The following SPAG16 variants were observed in gnomAD, a reference collection of about 807,000 sequenced individuals.
SPAG16 encodes the protein sperm associated antigen 16, also known as sperm-associated antigen 16 protein.
SPAG16 carries 86 observed loss-of-function variants against 80.4 expected under a neutral mutation model. The ratio of observed to expected loss-of-function variants is 1.07; its 90% CI spans 0.90 to 1.28. The LOEUF (loss-of-function observed/expected upper bound fraction) is 1.28. Among genes scored for constraint, SPAG16 ranks in the 50% most tolerant of loss-of-function variants. The pLI is 0.00. For synonymous variants in SPAG16, 294 were observed against 265.9 expected, an observed-to-expected ratio of 1.11 and a Z score of -1.03; for missense variants, 870 against 765.3, an observed-to-expected ratio of 1.14 and a Z score of -1.61.
intron 13 of SPAG16, among the ~76,000 whole-genome samples, chr2:214,078,040 G>A (rs1436716541): frequency 2.6e-5 from 4 of 152,138 alleles, no homozygotes; most frequent in Admixed American, 1.3e-4. Context: ...GGGGAACTCA[G>A]GTGATGAGAG....
chr2:213,410,570 C>T (rs1031426787), intron 9 of SPAG16, among the ~76,000 whole-genome samples: 3 of 152,216 alleles, frequency 2.0e-5, no homozygotes, highest in Non-Finnish European at 2.9e-5. Context: ...CAAAAACCAA[C>T]TGGTTTTTGT....
At chr2:213,402,944 G>A (rs956024105) in intron 9 of SPAG16, among the ~76,000 whole-genome samples, 4 of 152,140 alleles carry the variant, frequency 2.6e-5, no homozygotes, top group Non-Finnish European at 4.4e-5. Flanking sequence ...TATATACCCA[G>A]TAATGGGATG....
chr2:213,859,050 G>A (rs113607835), intron 10 of SPAG16, among the ~76,000 whole-genome samples: 51,863 of 150,086 alleles, frequency 0.35, 9,414 homozygotes, highest in South Asian at 0.47. Flanking sequence ...ATGGTGGCAC[G>A]CACCTGTAAT....
In SPAG16 at chr2:213,427,343, C is replaced by T. The variant is rs770266205; in HGVS notation, c.942+52224C>T. 1.1e-3 allele frequency among the ~76,000 whole-genome samples: 161 copies of T among 152,264 alleles called. 4 individuals carry two copies. Among genetic ancestry groups the T allele is most frequent in the African/African-American group, 2.2e-4 (9 of 41,558 alleles). On this transcript the variant is annotated intron_variant, in intron 9 of 15. Coordinates refer to ENST00000331683, the MANE Select transcript of SPAG16 (RefSeq NM_024532.5). ...TTTAGCATCTTTCTTACTGGACAGACGCACAGTGATATGAGTAAGCTGAAT... is the reference window on the plus strand; with the variant it reads ...TTTAGCATCTTTCTTACTGGACAGATGCACAGTGATATGAGTAAGCTGAAT...
intron 13 of SPAG16, among the ~76,000 whole-genome samples, chr2:214,087,328 A>G (rs1305722242): frequency 6.6e-6 from 1 of 152,176 alleles, no homozygotes; most frequent in Non-Finnish European, 1.5e-5. Context: ...AAAGTGATGG[A>G]TACCATTCAA....
intron 10 of SPAG16, among the ~76,000 whole-genome samples, chr2:213,652,057 A>G (rs918871491): frequency 1.3e-5 from 2 of 152,062 alleles, no homozygotes; most frequent in African/African-American, 4.8e-5. Flanking sequence ...TTTCATTAGT[A>G]CTCATATTTT....
At chr2:213,509,703 C>A (rs1214448950) in intron 10 of SPAG16, among the ~76,000 whole-genome samples, 2 of 151,902 alleles carry the variant, frequency 1.3e-5, no homozygotes, top group African/African-American at 4.8e-5. Flanking sequence ...TAAATGCCCA[C>A]AAGAGAAAGC....
At chr2:214,352,318 G>T (rs973350289) in intron 15 of SPAG16, among the ~76,000 whole-genome samples, 8 of 152,184 alleles carry the variant, frequency 5.3e-5, no homozygotes, top group African/African-American at 7.2e-5. Context: ...TCAAAGTTTT[G>T]ATTTTAATGG....
intron 13 of SPAG16, among the ~76,000 whole-genome samples, chr2:214,059,344 G>T (rs930332735): frequency 1.4e-5 from 2 of 147,996 alleles, no homozygotes; most frequent in Non-Finnish European, 3.0e-5. Flanking sequence ...TCAGTTAGTG[G>T]ATTATTATTT....
intron 15 of SPAG16, among the ~76,000 whole-genome samples, chr2:214,297,310 T>TTAAG (rs761557579): frequency 8.5e-5 from 13 of 152,290 alleles, no homozygotes; most frequent in Middle Eastern, 6.8e-3. Context: ...GCTTTTTGGT[T>TTAAG]TAAGTCTCAT....
chr2:214,139,375 C>A (rs1187430142), intron 14 of SPAG16, among the ~76,000 whole-genome samples: 1 of 151,858 alleles, frequency 6.6e-6, no homozygotes, highest in African/African-American at 2.4e-5. Context: ...TTATTTTTGT[C>A]TGTTTTTGAC....
intron 5 of SPAG16, among the ~76,000 whole-genome samples, chr2:213,322,075 AAAAT>A (rs1164791722): frequency 5.0e-4 from 75 of 150,722 alleles, no homozygotes; most frequent in Non-Finnish European, 4.9e-4. Flanking sequence ...AAGTATAATA[AAAAT>A]AAATAAATAA....
At chr2:214,273,121 A>T (rs1692163261) in intron 15 of SPAG16, among the ~76,000 whole-genome samples, 1 of 151,954 alleles carries the variant, frequency 6.6e-6, no homozygotes, top group Non-Finnish European at 1.5e-5. Context: ...TATCCTTTGC[A>T]CACTTTTTGA....
At chr2:214,399,737 C>A (rs1385584587) in intron 15 of SPAG16, among the ~76,000 whole-genome samples, 1 of 151,936 alleles carries the variant, frequency 6.6e-6, no homozygotes, top group African/African-American at 2.4e-5. Flanking sequence ...GCCCTTGGTT[C>A]CTTTGCCTAT....
intron 15 of SPAG16, among the ~76,000 whole-genome samples, chr2:214,170,218 G>GTGTATA (rs1205795853): frequency 3.6e-5 from 3 of 82,778 alleles, no homozygotes; most frequent in African/African-American, 8.3e-5. Context: ...ACACTTAGGT[G>GTGTATA]TGTATACGTA....
rs1176270395 is a variant in SPAG16, at chr2:213,659,332, TA to T, written c.1070+169257del. ...ATTCTAAGGTAGGGGCCAATCATCT[TA>T]AAAAAAAAAAAAAAGAAAAGAGAAA... On this transcript the variant is annotated intron_variant, in intron 10 of 15. Transcript: ENST00000331683. Among the ~76,000 whole-genome samples the T allele has an allele frequency of 2.7e-3, 358 of 133,814 alleles. 1 individual carries two copies. Among genetic ancestry groups the T allele is most frequent in the Non-Finnish European group, 2.5e-3 (153 of 61,624 alleles). 87.8% of individuals were successfully genotyped at this position (133,814 alleles called of 152,430 possible).
chr2:214,318,387 T>C (rs1214884136), intron 15 of SPAG16, among the ~76,000 whole-genome samples: 2 of 143,896 alleles, frequency 1.4e-5, no homozygotes, highest in African/African-American at 5.1e-5. Context: ...TTTTTTTTTT[T>C]TTTTTTTTTT....
intron 8 of SPAG16, among the ~76,000 whole-genome samples, chr2:213,367,770 G>C (rs1434239622): frequency 4.0e-5 from 6 of 148,310 alleles, no homozygotes; most frequent in African/African-American, 1.5e-4. Context: ...TTCTTTTGCT[G>C]TGCAGAAGCT....
intron 11 of SPAG16, among the ~76,000 whole-genome samples, chr2:213,925,930 T>C (rs1296574338): frequency 6.6e-6 from 1 of 152,170 alleles, no homozygotes. Context: ...CCAATGCTGC[T>C]CAGCAATTCA....
Sources: allele counts gnomAD v4.1 joint callset (sites outside exome capture counted in the v4.1 genomes callset), GRCh38; gene constraint gnomAD v4.1.1; transcripts MANE v1.5; gene names NCBI Gene and HGNC (gene_info 2026-07-23, HGNC 2026-07-21).